MAPK8: variants seen among roughly 807,000 people sequenced by gnomAD.
MAPK8 encodes JUN N-terminal kinase.
Under a neutral mutation model 52.9 loss-of-function variants are expected in MAPK8, and 13 were observed. The ratio of observed to expected loss-of-function variants is 0.25; its 90% CI spans 0.16 to 0.39. MAPK8 has a LOEUF of 0.39. Ranked by LOEUF, MAPK8 falls within the 10% of genes least tolerant of loss-of-function variation. The probability of loss-of-function intolerance (pLI) is 1.00; values close to 1 mark genes in which losing one functional copy is unlikely to be tolerated. For missense variants in MAPK8, 300 were observed against 519.2 expected, an observed-to-expected ratio of 0.58 and a Z score of 4.10; for synonymous variants, 191 against 169.8, an observed-to-expected ratio of 1.12 and a Z score of -0.97.
At chr10:48,323,643 C>G (rs1236385938) in intron 1 of MAPK8, among the ~76,000 whole-genome samples, 1 of 152,062 alleles carries the variant, frequency 6.6e-6, no homozygotes, top group Non-Finnish European at 1.5e-5. Context: ...CTAAGCTATT[C>G]CCATACTTCT....
intron 1 of MAPK8, among the ~76,000 whole-genome samples, chr10:48,363,055 G>A (rs1242977165): frequency 2.0e-5 from 3 of 151,926 alleles, no homozygotes; most frequent in African/African-American, 7.3e-5. Flanking sequence ...TTATTTTTTA[G>A]AAATGGGGCC....
At chr10:48,339,215 A>G (rs759931706) in intron 1 of MAPK8, among the ~76,000 whole-genome samples, 18 of 152,332 alleles carry the variant, frequency 1.2e-4, no homozygotes, top group Non-Finnish European at 2.5e-4. Context: ...CCAAAATAGC[A>G]CGGAATTGGT....
chr10:48,403,211 G>A (rs544576409), intron 2 of MAPK8, among the ~76,000 whole-genome samples: 4 of 152,088 alleles, frequency 2.6e-5, no homozygotes, highest in Non-Finnish European at 4.4e-5. Context: ...TATAATCCCC[G>A]CACTTTGGGA....
At chr10:48,434,486 C>A (rs2044671034) in intron 11 of MAPK8, among the ~76,000 whole-genome samples, 1 of 152,264 alleles carries the variant, frequency 6.6e-6, no homozygotes, top group Non-Finnish European at 1.5e-5. Flanking sequence ...TTTGTAGTTA[C>A]ACAGTCCTTT....
At chr10:48,407,256 ACTAT>A (rs771275925) in intron 3 of MAPK8, among the ~76,000 whole-genome samples, 5 of 152,180 alleles carry the variant, frequency 3.3e-5, no homozygotes, top group Non-Finnish European at 5.9e-5. Flanking sequence ...TACGTGTCTA[ACTAT>A]CACAGTTATC....
chr10:48,314,750 A>T (rs1588906102), intron 1 of MAPK8, among the ~76,000 whole-genome samples: 2 of 152,154 alleles, frequency 1.3e-5, no homozygotes, highest in Admixed American at 1.3e-4. Context: ...TTGTCTTTGC[A>T]TGTTTTTCTA....
At chr10:48,427,461 C>T (rs951820981) in intron 10 of MAPK8, 7 of 256,376 alleles carry the variant, frequency 2.7e-5, no homozygotes, top group South Asian at 1.1e-4. Context: ...TGGTTGTGTA[C>T]GGTGTATGCT....
At chr10:48,386,714 A>G (rs758160493) in intron 1 of MAPK8, among the ~76,000 whole-genome samples, 1 of 152,168 alleles carries the variant, frequency 6.6e-6, no homozygotes, top group South Asian at 2.1e-4. Context: ...CTGTAATCCC[A>G]TTACTTTCGG....
chr10:48,313,792 G>A (rs1227960926), intron 1 of MAPK8, among the ~76,000 whole-genome samples: 2 of 152,074 alleles, frequency 1.3e-5, no homozygotes, highest in Non-Finnish European at 2.9e-5. Flanking sequence ...TCTCACTCTT[G>A]TTGCCCAGGC....
At chr10:48,324,020 C>T (rs1843237654) in intron 1 of MAPK8, among the ~76,000 whole-genome samples, 1 of 152,154 alleles carries the variant, frequency 6.6e-6, no homozygotes, top group Non-Finnish European at 1.5e-5. Flanking sequence ...TTCATTCTCC[C>T]ACATCACTCC....
At chr10:48,351,507 G>A (rs1300072926) in intron 1 of MAPK8, among the ~76,000 whole-genome samples, 2 of 151,502 alleles carry the variant, frequency 1.3e-5, no homozygotes, top group Non-Finnish European at 2.9e-5. Flanking sequence ...ATGGCACCTC[G>A]CCCTGACACA....
intron 1 of MAPK8, among the ~76,000 whole-genome samples, chr10:48,395,697 A>G (rs1386052990): frequency 6.6e-6 from 1 of 152,082 alleles, no homozygotes; most frequent in East Asian, 1.9e-4. Flanking sequence ...AGTAAGAAGA[A>G]TAGAGCTGAA....
At chr10:48,371,989 C>T (rs570481732) in intron 1 of MAPK8, among the ~76,000 whole-genome samples, 10 of 152,170 alleles carry the variant, frequency 6.6e-5, no homozygotes, top group Non-Finnish European at 1.2e-4. Context: ...AGTTTTCATG[C>T]CTTCTCCAGC....
chr10:48,308,684 ATTAT>A (rs985054553), intron 1 of MAPK8, among the ~76,000 whole-genome samples: 1 of 152,218 alleles, frequency 6.6e-6, no homozygotes, highest in Non-Finnish European at 1.5e-5. Context: ...TTTTGTGAAT[ATTAT>A]TTGAAAGTTT....
At chr10:48,373,016 A>G (rs1326363934) in intron 1 of MAPK8, among the ~76,000 whole-genome samples, 1 of 152,244 alleles carries the variant, frequency 6.6e-6, no homozygotes, top group Non-Finnish European at 1.5e-5. Flanking sequence ...AGGGAAGCCC[A>G]TCAGACTAAC....
At chr10:48,403,917 TTGTGTGTGTGTGTG>T (rs71465463) in intron 2 of MAPK8, among the ~76,000 whole-genome samples, 21 of 125,748 alleles carry the variant, frequency 1.7e-4, no homozygotes, top group East Asian at 4.7e-4. Context: ...CCCGGCTAAT[TTGTGTGTGTGTGTG>T]TGTGTGTGTG....
At position 48,336,388 on chromosome 10, in the gene MAPK8, C is replaced by T. The variant is rs1844689425; in HGVS notation, c.-50+29567C>T. Among the ~76,000 whole-genome samples the T allele has an allele frequency of 3.3e-5, 5 of 152,184 alleles. No homozygotes were observed. The South Asian group carries it at 1.0e-3, about 32-fold the overall frequency. On this transcript the variant is annotated intron_variant, in intron 1 of 11. Transcript: ENST00000374189. The stretch of plus-strand genomic sequence containing the variant: ...AAATTAAATTTGCAGTAAAAAAGTT[C>T]CTCACAGGCCCTGTGATATCATGAG...
intron 1 of MAPK8, among the ~76,000 whole-genome samples, chr10:48,350,782 G>T (rs766374264): frequency 2.6e-5 from 4 of 152,204 alleles, no homozygotes; most frequent in African/African-American, 4.8e-5. Context: ...TCAGGCAAGA[G>T]AAATAAATAA....
chr10:48,425,603 C>T (rs2043631494), intron 7 of MAPK8: 1 of 333,146 alleles, frequency 3.0e-6, no homozygotes, highest in Non-Finnish European at 5.4e-6. Flanking sequence ...TGTCATTATT[C>T]TTAGTTGCTT....
Sources: gnomAD v4.1 joint callset for allele counts (sites outside exome capture counted in the v4.1 genomes callset) on GRCh38, gnomAD v4.1.1 for gene constraint, MANE v1.5 for transcripts, NCBI Gene and HGNC (gene_info 2026-07-23, HGNC 2026-07-21) for gene names.